The following ZFHX3 variants were observed in gnomAD, a reference collection of about 807,000 sequenced individuals.
The protein encoded by ZFHX3 is zinc finger homeobox protein 3.
ZFHX3 carries 42 observed loss-of-function variants against 279.1 expected under a neutral mutation model. That is an observed-to-expected ratio of 0.15 (90% CI 0.12 to 0.19). The LOEUF (loss-of-function observed/expected upper bound fraction) is 0.19, where lower values mean the gene tolerates loss of function less well. Ranked by LOEUF, ZFHX3 falls within the 10% of genes least tolerant of loss-of-function variation. The probability of loss-of-function intolerance (pLI) is 1.00; values close to 1 mark genes in which losing one functional copy is unlikely to be tolerated. For missense variants in ZFHX3, 4,981 were observed against 4,754.0 expected (o/e 1.05, Z -1.40); for synonymous variants, 2,293 against 1,957.8 (o/e 1.17, Z -4.52).
chr16:73,503,904 T>TA (rs1319888507), intron 2 of ZFHX3, among the ~76,000 whole-genome samples: 1 of 152,222 alleles, frequency 6.6e-6, no homozygotes, highest in Non-Finnish European at 1.5e-5. Flanking sequence ...AGGAAGAAAC[T>TA]AGGGTGATAG....
chr16:73,185,834 C>T (rs972917002), intron 5 of ZFHX3, among the ~76,000 whole-genome samples: 2 of 152,128 alleles, frequency 1.3e-5, no homozygotes, highest in African/African-American at 4.8e-5. Context: ...CAGTACTGGT[C>T]CATGGCCTGT....
In ZFHX3 at chr16:73,408,357, G is replaced by C. The variant is rs536042868; in HGVS notation, c.-1291+47646C>G. 2.0e-5 allele frequency among the ~76,000 whole-genome samples: 3 copies of C among 152,270 alleles called. No homozygotes were observed. The South Asian group carries it at 6.2e-4, about 32-fold the overall frequency. On this transcript the variant is annotated intron_variant, in intron 3 of 17. Transcript: ENST00000641206. Reference sequence around the variant, plus strand: ...CGGACAAGCCAGAGTCCCTGACAAGGTCGTGAGGTCTCAAGCCAATGGGAT... The same window carrying C: ...CGGACAAGCCAGAGTCCCTGACAAGCTCGTGAGGTCTCAAGCCAATGGGAT...
At chr16:73,416,122 CAA>C (rs1234376040) in intron 3 of ZFHX3, among the ~76,000 whole-genome samples, 86 of 74,822 alleles carry the variant, frequency 1.1e-3, no homozygotes, top group African/African-American at 2.7e-3. Flanking sequence ...GACTCCATCT[CAA>C]AAAAAAAAAA....
chr16:72,885,312 G>C (rs1555527241), intron 4 of ZFHX3, among the ~76,000 whole-genome samples: 1 of 152,258 alleles, frequency 6.6e-6, no homozygotes, highest in Non-Finnish European at 1.5e-5. Flanking sequence ...GCAGGACTTA[G>C]ATGTACGTGC....
At chr16:73,258,413 A>T (rs747573844) in intron 4 of ZFHX3, among the ~76,000 whole-genome samples, 5 of 151,556 alleles carry the variant, frequency 3.3e-5, no homozygotes, top group African/African-American at 4.9e-5. Context: ...GCAGTGGTGC[A>T]ATCTCGGCTC....
At chr16:73,607,091 C>T (rs953441879) in intron 2 of ZFHX3, among the ~76,000 whole-genome samples, 6 of 152,194 alleles carry the variant, frequency 3.9e-5, no homozygotes, top group Admixed American at 2.6e-4. Context: ...TGCAATGGCA[C>T]ACTCTTGGCT....
In ZFHX3 at chr16:73,447,313, C is replaced by A. The variant is rs117956217; in HGVS notation, c.-1291+8690G>T. Among the ~76,000 whole-genome samples the A allele has an allele frequency of 8.8e-3, 1,335 of 152,118 alleles. 59 individuals carry two copies. The highest frequency in any genetic ancestry group is 0.067 in the Admixed American group (1,026 of 15,266). Reference sequence around the variant, plus strand: ...CAAAGAAAATGGTAGAACTACAAGCCATAATCTTCAAAAAAAGTCAGCTTG... The same window carrying A: ...CAAAGAAAATGGTAGAACTACAAGCAATAATCTTCAAAAAAAGTCAGCTTG... On this transcript the variant is annotated intron_variant, in intron 3 of 17. Coordinates refer to the ZFHX3 transcript ENST00000641206.
chr16:73,749,131 T>A (rs970826825), intron 1 of ZFHX3, among the ~76,000 whole-genome samples: 3 of 152,094 alleles, frequency 2.0e-5, no homozygotes, highest in Non-Finnish European at 4.4e-5. Context: ...GCCTTCCAAA[T>A]ACACTAGATC....
At chr16:73,532,844 G>A (rs901648584) in intron 2 of ZFHX3, among the ~76,000 whole-genome samples, 3 of 152,198 alleles carry the variant, frequency 2.0e-5, no homozygotes, top group African/African-American at 7.2e-5. Context: ...TAGTGAGTGA[G>A]TTCTCACCAG....
intron 2 of ZFHX3, among the ~76,000 whole-genome samples, chr16:73,592,909 G>T (rs897405432): frequency 9.2e-5 from 14 of 151,528 alleles, no homozygotes; most frequent in Admixed American, 6.6e-5. Context: ...CAATGGAAAA[G>T]GATAAAAAAC....
intron 1 of ZFHX3, among the ~76,000 whole-genome samples, chr16:72,983,472 C>A (rs146209054): frequency 3.9e-5 from 6 of 152,072 alleles, no homozygotes; most frequent in Non-Finnish European, 8.8e-5. Context: ...TTTGGGAGGC[C>A]GAGGCGGGAG....
chr16:73,890,267 A>C (rs1002375857), intron 1 of ZFHX3, among the ~76,000 whole-genome samples: 6 of 150,776 alleles, frequency 4.0e-5, no homozygotes, highest in African/African-American at 1.2e-4. Flanking sequence ...ACAAAAAAAA[A>C]CCTCTCCCTT....
intron 2 of ZFHX3, among the ~76,000 whole-genome samples, chr16:73,579,485 T>C (rs1239737101): frequency 6.6e-6 from 1 of 151,802 alleles, no homozygotes; most frequent in Admixed American, 6.6e-5. Context: ...GTATAATATA[T>C]AAATTACTAA....
intron 1 of ZFHX3, among the ~76,000 whole-genome samples, chr16:73,046,712 G>A (rs1214801207): frequency 2.6e-5 from 4 of 152,172 alleles, no homozygotes; most frequent in African/African-American, 4.8e-5. Context: ...AGCATAGAGA[G>A]AAATAAGATG....
chr16:72,955,568 C>T (rs1237725578), intron 2 of ZFHX3, among the ~76,000 whole-genome samples: 1 of 152,128 alleles, frequency 6.6e-6, no homozygotes, highest in African/African-American at 2.4e-5. Context: ...CACCTGAGGT[C>T]AAGGGTTTGA....
At chr16:73,021,460 A>G (rs1172417063) in intron 1 of ZFHX3, among the ~76,000 whole-genome samples, 3 of 152,210 alleles carry the variant, frequency 2.0e-5, no homozygotes, top group South Asian at 4.1e-4. Context: ...ACCTCAGAAC[A>G]TGGCCTTATT....
At chr16:73,523,385 C>T (rs1045040706) in intron 2 of ZFHX3, among the ~76,000 whole-genome samples, 1 of 152,110 alleles carries the variant, frequency 6.6e-6, no homozygotes, top group African/African-American at 2.4e-5. Context: ...GTTTTATATG[C>T]TCTGCTGACA....
intron 2 of ZFHX3, among the ~76,000 whole-genome samples, chr16:73,488,422 G>T (rs188331177): frequency 6.6e-6 from 1 of 152,300 alleles, no homozygotes; most frequent in East Asian, 1.9e-4. Context: ...GCCCACATCA[G>T]CAGGGACCTC....
intron 3 of ZFHX3, among the ~76,000 whole-genome samples, chr16:73,433,918 C>A (rs769905173): frequency 6.6e-6 from 1 of 152,148 alleles, no homozygotes; most frequent in Non-Finnish European, 1.5e-5. Flanking sequence ...CATGGCACAG[C>A]CAGAGGGAGA....
Sources: allele counts gnomAD v4.1 joint callset (sites outside exome capture counted in the v4.1 genomes callset), GRCh38; gene constraint gnomAD v4.1.1; transcripts MANE v1.5; gene names NCBI Gene and HGNC (gene_info 2026-07-23, HGNC 2026-07-21).